Variants in FAM13A observed in about 807,000 individuals in gnomAD.
The protein encoded by FAM13A is family with sequence similarity 13 member A, also known as protein FAM13A.
FAM13A carries 76 observed loss-of-function variants against 129.6 expected under a neutral mutation model. The ratio of observed to expected loss-of-function variants is 0.59; its 90% CI spans 0.49 to 0.71. The LOEUF (loss-of-function observed/expected upper bound fraction) is 0.71. Ranked by LOEUF, FAM13A falls within the 30% of genes least tolerant of loss-of-function variation. The pLI, the probability that FAM13A is intolerant of heterozygous loss-of-function variation, is 0.00. For synonymous variants in FAM13A, 443 were observed against 449.9 expected, an observed-to-expected ratio of 0.98 and a Z score of 0.20; for missense variants, 1,108 against 1,249.3, an observed-to-expected ratio of 0.89 and a Z score of 1.70.
chr4:89,025,973 T>C (rs1362011413), intron 2 of FAM13A, among the ~76,000 whole-genome samples: 1 of 152,178 alleles, frequency 6.6e-6, no homozygotes, highest in Non-Finnish European at 1.5e-5. Flanking sequence ...CAAAAAATAT[T>C]AAAATTTTTA....
Position 88,991,025 on chromosome 4 carries a change from T to A in FAM13A, c.553A>T (p.Asn185Tyr). Residue 185 changes from asparagine to tyrosine, a missense_variant, in exon 4 of 24, where the codon AAT becomes TAT. Coordinates refer to ENST00000264344, the MANE Select transcript of FAM13A (RefSeq NM_014883.4). ...LTKVAKHHVQ[N>Y]RMNVHNLATV... ...GCGAGATTGTGAACATTCATGCGAT[T>A]CTGCACATGATGCTTGGCTACTTTT... The A allele has an allele frequency of 1.9e-6, 3 of 1,614,204 alleles. No homozygotes were observed. The highest frequency in any genetic ancestry group is 2.5e-6 in the Non-Finnish European group (3 of 1,180,026).
chr4:88,779,560 T>C (rs1277493168), intron 11 of FAM13A, among the ~76,000 whole-genome samples: 1 of 152,132 alleles, frequency 6.6e-6, no homozygotes, highest in Non-Finnish European at 1.5e-5. Context: ...GGGTTTCAAG[T>C]TATTCATTGC....
intron 4 of FAM13A, among the ~76,000 whole-genome samples, chr4:88,939,477 T>C (rs1160518635): frequency 6.6e-6 from 1 of 152,190 alleles, no homozygotes; most frequent in Non-Finnish European, 1.5e-5. Context: ...TCAAGATCCC[T>C]ACCTTAATCA....
intron 10 of FAM13A, among the ~76,000 whole-genome samples, chr4:88,783,231 T>C (rs950165700): frequency 1.3e-5 from 2 of 152,202 alleles, no homozygotes; most frequent in Non-Finnish European, 2.9e-5. Flanking sequence ...TTGCAAACTA[T>C]GTTTTCGTAT....
intron 1 of FAM13A, among the ~76,000 whole-genome samples, chr4:89,046,570 C>A (rs1770887786): frequency 2.0e-5 from 3 of 152,176 alleles, no homozygotes; most frequent in South Asian, 4.1e-4. Flanking sequence ...AAAAGAGTGG[C>A]CGGGCACAGT....
intron 5 of FAM13A, among the ~76,000 whole-genome samples, chr4:88,919,847 A>G (rs1353264590): frequency 6.6e-6 from 1 of 152,234 alleles, no homozygotes; most frequent in Non-Finnish European, 1.5e-5. Flanking sequence ...TCCCACCCTA[A>G]TACTGCGCTT....
At chr4:88,817,230 G>T (rs1209760223) in intron 7 of FAM13A, among the ~76,000 whole-genome samples, 2 of 152,120 alleles carry the variant, frequency 1.3e-5, no homozygotes, top group Non-Finnish European at 2.9e-5. Context: ...TTGCATATTT[G>T]TATGATATGT....
intron 21 of FAM13A, among the ~76,000 whole-genome samples, chr4:88,734,642 G>C (rs556210070): frequency 6.6e-6 from 1 of 152,168 alleles, no homozygotes; most frequent in Non-Finnish European, 1.5e-5. Flanking sequence ...TGGGGACATC[G>C]GGCAATGTCT....
intron 7 of FAM13A, among the ~76,000 whole-genome samples, chr4:88,834,976 AT>A (rs1046972361): frequency 4.5e-4 from 69 of 151,894 alleles, no homozygotes; most frequent in African/African-American, 1.6e-3. Context: ...TTCCTAGTGA[AT>A]TTTACTTATT....
chr4:88,829,665 T>C (rs879331653), intron 7 of FAM13A, among the ~76,000 whole-genome samples: 1 of 152,224 alleles, frequency 6.6e-6, no homozygotes, highest in African/African-American at 2.4e-5. Context: ...CACTAGTGGA[T>C]TTCTGGGCTT....
At position 88,932,636 on chromosome 4, in the gene FAM13A, T is replaced by C. The variant is rs565396892; in HGVS notation, c.759+5452A>G. On this transcript the variant is annotated intron_variant, in intron 5 of 23. Coordinates refer to ENST00000264344, the MANE Select transcript of FAM13A (RefSeq NM_014883.4). ...GCAATGTTTTTGAGCATGAAAAAGATATGGGAAATGGTTTAGGAAGTTTCT... is the reference window on the plus strand; with the variant it reads ...GCAATGTTTTTGAGCATGAAAAAGACATGGGAAATGGTTTAGGAAGTTTCT... Among the ~76,000 whole-genome samples, 3 of 152,334 alleles carry C rather than the reference T, an allele frequency of 2.0e-5. No individual in the cohort carries two copies. The East Asian group carries it at 5.8e-4, about 29-fold the overall frequency.
chr4:89,038,704 T>TA (rs1007349152), intron 1 of FAM13A, among the ~76,000 whole-genome samples: 1 of 152,072 alleles, frequency 6.6e-6, no homozygotes, highest in Non-Finnish European at 1.5e-5. Flanking sequence ...CAGAAAGGGG[T>TA]AAAAAAGTTA....
intron 21 of FAM13A, among the ~76,000 whole-genome samples, chr4:88,734,778 T>C (rs571381351): frequency 3.3e-5 from 5 of 152,196 alleles, no homozygotes; most frequent in Non-Finnish European, 7.3e-5. Context: ...GCACAACAGT[T>C]ACCCAGCCCC....
At chr4:88,874,296 C>A (rs1393197290) in intron 6 of FAM13A, among the ~76,000 whole-genome samples, 2 of 152,048 alleles carry the variant, frequency 1.3e-5, no homozygotes, top group Non-Finnish European at 2.9e-5. Flanking sequence ...CCAGGGAAAT[C>A]AGGCAAGAGA....
intron 1 of FAM13A, among the ~76,000 whole-genome samples, chr4:89,038,217 G>A (rs1232820002): frequency 6.6e-6 from 1 of 152,122 alleles, no homozygotes; most frequent in South Asian, 2.1e-4. Context: ...GAAATCAATG[G>A]CCTGTATTTC....
chr4:88,769,706 C>G (rs913680718), intron 11 of FAM13A, among the ~76,000 whole-genome samples: 2 of 151,954 alleles, frequency 1.3e-5, no homozygotes, highest in Non-Finnish European at 2.9e-5. Context: ...GTGGCACGTG[C>G]CTGTAGTCCC....
chr4:88,905,412 A>G (rs182163017), intron 6 of FAM13A, among the ~76,000 whole-genome samples: 4 of 152,120 alleles, frequency 2.6e-5, no homozygotes, highest in African/African-American at 9.6e-5. Context: ...ATTTCTTTTC[A>G]AAATTTTTTA....
chr4:89,031,682 C>T (rs566478662), intron 1 of FAM13A, among the ~76,000 whole-genome samples: 2 of 152,216 alleles, frequency 1.3e-5, no homozygotes, highest in East Asian at 1.9e-4. Context: ...TTAATCATTC[C>T]TGTGGTAAAT....
chr4:88,807,265 G>C (rs1438138526), intron 7 of FAM13A, among the ~76,000 whole-genome samples: 1 of 152,164 alleles, frequency 6.6e-6, no homozygotes, highest in African/African-American at 2.4e-5. Context: ...CTATTTGTGT[G>C]TGTCTGTGTG....
Sources: gnomAD v4.1 joint callset for allele counts (sites outside exome capture counted in the v4.1 genomes callset) on GRCh38, gnomAD v4.1.1 for gene constraint, MANE v1.5 for transcripts, NCBI Gene and HGNC (gene_info 2026-07-23, HGNC 2026-07-21) for gene names.